ARHGAP6: variants seen among roughly 807,000 people sequenced by gnomAD.
ARHGAP6 encodes the protein Rho GTPase activating protein 6, also known as rho GTPase-activating protein 6.
Under a neutral mutation model 55.7 loss-of-function variants are expected in ARHGAP6, and 16 were observed. That is an observed-to-expected ratio of 0.29 (90% confidence interval 0.19 to 0.44). The LOEUF (loss-of-function observed/expected upper bound fraction) is 0.44, where lower values mean the gene tolerates loss of function less well. ARHGAP6 is among the 20% of genes least tolerant of loss of function. ARHGAP6 has a pLI of 1.00. For missense variants in ARHGAP6, 698 were observed against 808.9 expected (o/e 0.86, Z 1.66); for synonymous variants, 382 against 360.9 (o/e 1.06, Z -0.66).
At chrX:11,206,730 CTGCTT>C (rs2046710038) in intron 2 of ARHGAP6, among the ~76,000 whole-genome samples, 1 of 111,465 alleles carries the variant, frequency 9.0e-6, no homozygotes. Flanking sequence ...TATTGAGGCT[CTGCTT>C]TATTTCTACT....
chrX:11,270,984 A>G (rs1179517301), intron 1 of ARHGAP6, among the ~76,000 whole-genome samples: 1 of 111,685 alleles, frequency 9.0e-6, no homozygotes, highest in African/African-American at 3.3e-5. Flanking sequence ...GTTCTACCAC[A>G]CTGCAGAGAA....
At chrX:11,467,977 C>T (rs1342784864) in intron 1 of ARHGAP6, among the ~76,000 whole-genome samples, 1 of 91,089 alleles carries the variant, frequency 1.1e-5, no homozygotes, top group Non-Finnish European at 2.1e-5. Flanking sequence ...AAGACTCTGT[C>T]TTAAATGAAT....
chrX:11,523,242 A>T (rs2050952725), intron 1 of ARHGAP6, among the ~76,000 whole-genome samples: 1 of 111,434 alleles, frequency 9.0e-6, no homozygotes, highest in Admixed American at 9.6e-5. Flanking sequence ...TCTCAAAATA[A>T]TAAGAGCTAT....
At chrX:11,483,656 T>C (rs1399238671) in intron 1 of ARHGAP6, among the ~76,000 whole-genome samples, 1 of 110,283 alleles carries the variant, frequency 9.1e-6, no homozygotes, top group African/African-American at 3.3e-5. Flanking sequence ...TTTTTTTTTT[T>C]CTTTTCTTTT....
chrX:11,499,020 A>G (rs2050651420), intron 1 of ARHGAP6, among the ~76,000 whole-genome samples: 1 of 112,167 alleles, frequency 8.9e-6, no homozygotes, highest in East Asian at 2.8e-4. Context: ...GATTTTAAGA[A>G]CCAGGGTACC....
chrX:11,451,605 T>C (rs2050144566), intron 1 of ARHGAP6, among the ~76,000 whole-genome samples: 1 of 111,917 alleles, frequency 8.9e-6, no homozygotes, highest in Non-Finnish European at 1.9e-5. Context: ...CAACCCCCAC[T>C]CATCTATACT....
At chrX:11,565,502 T>C (rs1240691128) in intron 1 of ARHGAP6, among the ~76,000 whole-genome samples, 1 of 112,342 alleles carries the variant, frequency 8.9e-6, no homozygotes, top group Non-Finnish European at 1.9e-5. Context: ...AAATGAGATA[T>C]ATTCACAAGG....
At chrX:11,267,240 G>A (rs1020443632) in intron 1 of ARHGAP6, among the ~76,000 whole-genome samples, 2 of 111,206 alleles carry the variant, frequency 1.8e-5, no homozygotes, top group Non-Finnish European at 3.8e-5. Flanking sequence ...TTATTATTAG[G>A]CAAATGATCC....
intron 1 of ARHGAP6, among the ~76,000 whole-genome samples, chrX:11,350,869 C>T (rs1217432450): frequency 1.8e-5 from 2 of 108,777 alleles, no homozygotes; most frequent in African/African-American, 6.9e-5. Context: ...TCAAAGAGCT[C>T]CCGGGGGAAA....
intron 1 of ARHGAP6, among the ~76,000 whole-genome samples, chrX:11,583,770 A>AG (rs1192378494): frequency 1.8e-5 from 2 of 110,902 alleles, no homozygotes; most frequent in Admixed American, 9.6e-5. Flanking sequence ...TTAAAGATGG[A>AG]GGAAAAAAAA....
chrX:11,356,906 C>G (rs1013610176), intron 1 of ARHGAP6, among the ~76,000 whole-genome samples: 1 of 111,406 alleles, frequency 9.0e-6, no homozygotes, highest in Non-Finnish European at 1.9e-5. Context: ...TTGCCTGGAC[C>G]CAGAAATGAG....
chrX:11,486,457 C>T (rs1197151293), intron 1 of ARHGAP6, among the ~76,000 whole-genome samples: 3 of 111,899 alleles, frequency 2.7e-5, no homozygotes, highest in Non-Finnish European at 5.6e-5. Context: ...GGTAATCTGC[C>T]AGTGAATGAG....
At chrX:11,431,593 G>A (rs961469968) in intron 1 of ARHGAP6, among the ~76,000 whole-genome samples, 2 of 111,696 alleles carry the variant, frequency 1.8e-5, no homozygotes, top group African/African-American at 6.5e-5. Context: ...ATTGTTAACA[G>A]AGTTACTATG....
intron 1 of ARHGAP6, among the ~76,000 whole-genome samples, chrX:11,403,509 A>T (rs917637176): frequency 6.2e-5 from 7 of 112,463 alleles, no homozygotes; most frequent in African/African-American, 2.3e-4. Context: ...TTTCAGATAT[A>T]TTAGGTTAAA....
chrX:11,355,867 G>A (rs1021485823), intron 1 of ARHGAP6, among the ~76,000 whole-genome samples: 12 of 110,938 alleles, frequency 1.1e-4, no homozygotes, highest in African/African-American at 3.6e-4. Flanking sequence ...GCTGAAGAGT[G>A]TAGCAGGTAG....
chrX:11,363,381 T>G (rs777916392), intron 1 of ARHGAP6, among the ~76,000 whole-genome samples: 56 of 112,561 alleles, frequency 5.0e-4, no homozygotes, highest in African/African-American at 1.8e-3. Context: ...CTGGTTCACA[T>G]GCTGAGTAAC....
intron 1 of ARHGAP6, among the ~76,000 whole-genome samples, chrX:11,493,752 T>C (rs899449740): frequency 2.7e-5 from 3 of 110,587 alleles, no homozygotes; most frequent in Admixed American, 9.7e-5. Flanking sequence ...GGCTCTACAT[T>C]CAAGCATCAA....
At chrX:11,289,794 G>C (rs2047964210) in intron 1 of ARHGAP6, among the ~76,000 whole-genome samples, 1 of 111,226 alleles carries the variant, frequency 9.0e-6, no homozygotes, top group South Asian at 3.8e-4. Flanking sequence ...AGACCATCCT[G>C]GACAACATGG....
At position 11,558,995 on chromosome X, in the gene ARHGAP6, C is replaced by T. The variant is rs1250928998; in HGVS notation, c.588+105246G>A. Among the ~76,000 whole-genome samples, 4 of 105,867 alleles carry T rather than the reference C, an allele frequency of 3.8e-5. No individual in the cohort carries two copies. In the Admixed American group the frequency reaches 4.2e-4, roughly 11 times the overall value. The allele number at this position is 105,867 out of a possible 115,157, so 91.9% of individuals were successfully genotyped here. A position where few individuals can be genotyped will look rare whatever the true frequency, so the allele number is the denominator to read the frequency against. On this transcript the variant is annotated intron_variant, in intron 1 of 12. Coordinates refer to ENST00000337414, the MANE Select transcript of ARHGAP6 (RefSeq NM_013427.3). The stretch of plus-strand genomic sequence containing the variant: ...TTTATCGGGAACTTTTGTTCCGCTT[C>T]TGCTTGTCCACTTGTCTGCCCTGTC...
Sources: gnomAD v4.1 joint callset for allele counts (sites outside exome capture counted in the v4.1 genomes callset) on GRCh38, gnomAD v4.1.1 for gene constraint, MANE v1.5 for transcripts, NCBI Gene and HGNC (gene_info 2026-07-23, HGNC 2026-07-21) for gene names.